The following ZNF786 variants were observed in gnomAD, a reference collection of about 807,000 sequenced individuals.
ZNF786 encodes the protein zinc finger protein 786.
Under a neutral mutation model 63.1 loss-of-function variants are expected in ZNF786, and 56 were observed. The observed-to-expected ratio is 0.89, with a 90% CI of 0.72 to 1.11. ZNF786 has a LOEUF of 1.11. Among genes scored for constraint, ZNF786 ranks in the 50% least tolerant of loss-of-function variants. ZNF786 has a pLI of 0.00. For missense variants in ZNF786, 1,213 were observed against 1,041.8 expected (o/e 1.16, Z -2.26); for synonymous variants, 485 against 406.9 (o/e 1.19, Z -2.31).
chr7:149,070,822 G>A lies in ZNF786; in HGVS notation c.1950C>T (p.Ser650=), dbSNP rs1425748425. The A allele has an allele frequency of 6.2e-7, 1 of 1,613,812 alleles. No individual in the cohort carries two copies. The highest frequency in any genetic ancestry group is 1.1e-5 in the South Asian group (1 of 91,090). Residue 650 remains serine, a synonymous_variant, in exon 4 of 4, where the codon TCC becomes TCT. Transcript: ENST00000491431. ...QLLHSGEMPF[S]CECGKGFVKH... is the part of the protein sequence containing the mutation. ...TCACAAAGCCCTTGCCGCACTCACA[G>A]GAGAAAGGCATCTCCCCGCTGTGCA...
intron 1 of ZNF786, among the ~76,000 whole-genome samples, chr7:149,084,586 T>C (rs993866395): frequency 7.9e-5 from 12 of 152,304 alleles, no homozygotes; most frequent in African/African-American, 2.6e-4. Flanking sequence ...TTGTTGGCCA[T>C]GTATATGTAT....
intron 1 of ZNF786, among the ~76,000 whole-genome samples, chr7:149,088,595 CTTT>C (rs1230454460): frequency 6.6e-6 from 1 of 152,168 alleles, no homozygotes; most frequent in African/African-American, 2.4e-5. Flanking sequence ...ACTTTTAAAA[CTTT>C]TTTAATTTTT....
rs1474811486 is a variant in ZNF786 at position 149,087,808 on chromosome 7, T to C, written c.18+2815A>G. Among the ~76,000 whole-genome samples the C allele has an allele frequency of 3.3e-5, 5 of 152,046 alleles. No homozygotes were observed. The East Asian group carries it at 7.7e-4, about 23-fold the overall frequency. ...GTAGTTCTTTTAGGTTTTTTTTTTT[T>C]TTGAAACGGGGGTCTCTGTTGCCCA... On this transcript the variant is annotated intron_variant, in intron 1 of 3. Coordinates refer to ENST00000491431, the MANE Select transcript of ZNF786 (RefSeq NM_152411.4).
chr7:149,081,149 A>C (rs1328080598), intron 1 of ZNF786: 1 of 456,532 alleles, frequency 2.2e-6, no homozygotes, highest in South Asian at 1.5e-5. Context: ...TATAAATTAC[A>C]GTATTCAGCC....
chr7:149,083,176 C>T (rs572424062), intron 1 of ZNF786, among the ~76,000 whole-genome samples: 15 of 152,046 alleles, frequency 9.9e-5, no homozygotes, highest in Admixed American at 1.3e-4. Context: ...GGATTACAGG[C>T]GCGAGCCACC....
rs1255995913 is a variant in ZNF786, at chr7:149,072,375, C to T, written c.397G>A (p.Asp133Asn). 2.5e-6 allele frequency: 4 copies of T among 1,613,370 alleles called. No individual in the cohort carries two copies. The highest frequency in any genetic ancestry group is 2.2e-5 in the East Asian group (1 of 44,896). The change falls in exon 4 of 4, where the codon GAC becomes AAC. Residue 133 changes from aspartate (D) to asparagine (N), a missense_variant. By Grantham distance (23) the Asp-to-Asn change is conservative. Transcript: ENST00000491431. Reference protein sequence around the residue: ...SFGSFVSFRPDQGITLGSPQR... With the variant: ...SFGSFVSFRPNQGITLGSPQR... ...GGGCTCCCGAGGGTGATGCCTTGGT[C>T]AGGCCTGAAGGAAACAAAGGATCCA...
Position 149,071,061 on chromosome 7 carries a change from C to G in ZNF786, c.1711G>C (p.Gly571Arg). 1 of 1,612,180 alleles carries G rather than the reference C, an allele frequency of 6.2e-7. No individual in the cohort carries two copies. The highest frequency in any genetic ancestry group is 8.5e-7 in the Non-Finnish European group (1 of 1,179,702). Reference protein sequence around the residue: ...KERPFSCGECGKGFTRQSKLT... With the variant: ...KERPFSCGECRKGFTRQSKLT... The stretch of plus-strand genomic sequence containing the variant: ...TTGGATTGTCTGGTGAAGCCCTTGC[C>G]ACACTCCCCGCACGAGAACGGCCTC... Residue 571 changes from glycine (G) to arginine (R), a missense_variant, in exon 4 of 4, where the codon GGC (glycine) becomes CGC (arginine). Gly to Arg is a moderately radical substitution (Grantham distance 125). Transcript: ENST00000491431.
At chr7:149,084,351 CAAAAA>C (rs60194366) in intron 1 of ZNF786, among the ~76,000 whole-genome samples, 1 of 62,294 alleles carries the variant, frequency 1.6e-5, no homozygotes. Context: ...AACTGCATCC[CAAAAA>C]AAAAAAAAAA....
At chr7:149,088,033 T>C (rs1442124321) in intron 1 of ZNF786, among the ~76,000 whole-genome samples, 1 of 150,348 alleles carries the variant, frequency 6.7e-6, no homozygotes, top group African/African-American at 2.4e-5. Flanking sequence ...GACCGAGTCT[T>C]GCTCTGTCAC....
At chr7:149,085,144 G>T (rs1314735526) in intron 1 of ZNF786, among the ~76,000 whole-genome samples, 1 of 152,016 alleles carries the variant, frequency 6.6e-6, no homozygotes, top group East Asian at 1.9e-4. Context: ...CTGTTCCATT[G>T]GTCTATATGT....
intron 1 of ZNF786, among the ~76,000 whole-genome samples, chr7:149,083,135 A>G (rs1046174255): frequency 2.6e-5 from 4 of 151,076 alleles, no homozygotes; most frequent in Non-Finnish European, 1.5e-5. Flanking sequence ...TACCTCAGGC[A>G]ATCTGCCTGG....
chr7:149,073,265 T>G (rs999036676), intron 3 of ZNF786, among the ~76,000 whole-genome samples: 1 of 152,182 alleles, frequency 6.6e-6, no homozygotes, highest in Non-Finnish European at 1.5e-5. Flanking sequence ...ATTCTGTACT[T>G]TAAGAATCCA....
rs767410430 is a variant in ZNF786 at position 149,071,310 on chromosome 7, G to A, written c.1462C>T (p.Leu488=). The A allele has an allele frequency of 6.2e-7, 1 of 1,611,926 alleles. No individual in the cohort carries two copies. Among genetic ancestry groups the A allele is most frequent in the Admixed American group, 1.7e-5 (1 of 59,882 alleles). ...AGCATGCTCTCCAGGCGGAAGCTCA[G>A]CCCACACTCTGGGCACTGAAAGGGC... ...EKPFQCPECG[L]SFRLESMLRA... The change falls in exon 4 of 4, where the codon CTG becomes TTG. Residue 488 remains leucine (L), a synonymous_variant. Transcript: ENST00000491431.
Position 149,070,908 on chromosome 7 carries a change from G to A in ZNF786, c.1864C>T (p.Gln622Ter). 1 of 1,613,600 alleles carries A rather than the reference G, an allele frequency of 6.2e-7. No homozygotes were observed. Among genetic ancestry groups the A allele is most frequent in the South Asian group, 1.1e-5 (1 of 91,082 alleles). The change falls in exon 4 of 4, where the codon CAG becomes TAG. Residue 622 changes from glutamine to a stop codon, truncating the protein, a stop_gained. Coordinates refer to ENST00000491431, the MANE Select transcript of ZNF786 (RefSeq NM_152411.4). LOFTEE classifies it high-confidence loss of function. ...QRLHTGERPF[Q>*]CPECDKRYRV... ...TAGCGCTTGTCGCACTCCGGACACT[G>A]GAAGGGCCTCTCTCCCGTGTGCAGG...
At chr7:149,081,463 A>G (rs1275522676) in intron 1 of ZNF786, among the ~76,000 whole-genome samples, 1 of 145,936 alleles carries the variant, frequency 6.9e-6, no homozygotes, top group Non-Finnish European at 1.5e-5. Flanking sequence ...AAAAAAAAAA[A>G]GTGTTCTCAT....
intron 1 of ZNF786, among the ~76,000 whole-genome samples, chr7:149,090,266 A>G (rs1825808867): frequency 6.6e-6 from 1 of 152,184 alleles, no homozygotes; most frequent in Non-Finnish European, 1.5e-5. Flanking sequence ...TTCGGTGACT[A>G]TGATGTAAAA....
intron 3 of ZNF786, among the ~76,000 whole-genome samples, chr7:149,073,690 CAT>C (rs1397633336): frequency 8.0e-6 from 1 of 125,172 alleles, no homozygotes; most frequent in Admixed American, 8.5e-5. Flanking sequence ...CATTTATATA[CAT>C]ATGTATATAC....
chr7:149,071,384 C>T lies in ZNF786; in HGVS notation c.1388G>A (p.Arg463His), dbSNP rs1280934514. 17 of 1,613,222 alleles carry T rather than the reference C, an allele frequency of 1.1e-5. No homozygotes were observed. Among genetic ancestry groups the T allele is most frequent in the South Asian group, 2.2e-5 (2 of 91,044 alleles). Residue 463 changes from arginine to histidine, a missense_variant, in exon 4 of 4, where the codon CGT (arginine) becomes CAT (histidine). Physicochemically the swap from Arg to His is conservative, Grantham distance 29 (BLOSUM62 0). Coordinates refer to ENST00000491431, the MANE Select transcript of ZNF786 (RefSeq NM_152411.4). ...GTGCCGCAGCAGCTGTCCCCTCTGA[C>T]GGAAGTTCCTGCCACACTTGGCACA... Reference protein sequence around the residue: ...FRCAKCGRNFRQRGQLLRHQR... With the variant: ...FRCAKCGRNFHQRGQLLRHQR...
At position 149,071,774 on chromosome 7, in the gene ZNF786, G is replaced by A; in HGVS notation, c.998C>T (p.Ser333Phe). The change falls in exon 4 of 4, where the codon TCC (serine) becomes TTC (phenylalanine). Residue 333 changes from serine to phenylalanine, a missense_variant. By Grantham distance (155) the Ser-to-Phe change is radical. Transcript: ENST00000491431. Reference protein sequence around the residue: ...PASWREGRGASSSVHSGQKPG... With the variant: ...PASWREGRGAFSSVHSGQKPG... ...TTTCTGTCCCGAGTGCACACTGCTG[G>A]AGGCCCCGCGGCCTTCTCTCCAAGA... The A allele has an allele frequency of 6.3e-7, 1 of 1,582,950 alleles. No homozygotes were observed. The highest frequency in any genetic ancestry group is 8.5e-7 in the Non-Finnish European group (1 of 1,170,154).
Sources: gnomAD v4.1 joint callset for allele counts (sites outside exome capture counted in the v4.1 genomes callset) on GRCh38, gnomAD v4.1.1 for gene constraint, MANE v1.5 for transcripts, NCBI Gene and HGNC (gene_info 2026-07-23, HGNC 2026-07-21) for gene names.